RBFOX1: variants seen among roughly 807,000 people sequenced by gnomAD.
The protein encoded by RBFOX1 is RNA binding fox-1 homolog 1, also known as RNA binding protein fox-1 homolog 1.
A neutral mutation model predicts 57.7 loss-of-function variants in RBFOX1; 8 were observed. The observed-to-expected ratio is 0.14, with a 90% CI of 0.08 to 0.25. The LOEUF (loss-of-function observed/expected upper bound fraction) is 0.25. Ranked by LOEUF, RBFOX1 falls within the 10% of genes least tolerant of loss-of-function variation. The pLI, the probability that RBFOX1 is intolerant of heterozygous loss-of-function variation, is 1.00. For synonymous variants in RBFOX1, 326 were observed against 222.4 expected, an observed-to-expected ratio of 1.47 and a Z score of -4.15; for missense variants, 611 against 548.5, an observed-to-expected ratio of 1.11 and a Z score of -1.14.
intron 3 of RBFOX1, among the ~76,000 whole-genome samples, chr16:5,664,560 G>T (rs182582919): frequency 8.6e-4 from 131 of 152,040 alleles, no homozygotes; most frequent in Middle Eastern, 3.4e-3. Context: ...AAAAAAAGTG[G>T]ATTCCTGTTC....
chr16:7,710,179 G>C (rs1409814373), intron 15 of RBFOX1: 21 of 1,023,044 alleles, frequency 2.1e-5, no homozygotes, highest in Non-Finnish European at 1.8e-5. Flanking sequence ...ACAGAGCCAA[G>C]TTAAGTAAGA....
At chr16:6,475,304 A>G (rs867138630) in intron 2 of RBFOX1, among the ~76,000 whole-genome samples, 1 of 152,228 alleles carries the variant, frequency 6.6e-6, no homozygotes, top group Admixed American at 6.5e-5. Context: ...GATTCCTGCC[A>G]TCTCAAGGAT....
Position 6,196,455 on chromosome 16 carries a change from G to A in RBFOX1, c.-126-120540G>A, listed in dbSNP as rs185011204. On this transcript the variant is annotated intron_variant, in intron 1 of 15. Coordinates refer to ENST00000550418, the MANE Select transcript of RBFOX1 (RefSeq NM_018723.4). ...AGAAAACGTTTAACACATTGCATGG[G>A]ATACAGTAGACAATAAATCTGGACT... is the stretch of plus-strand genomic sequence containing the variant. Among the ~76,000 whole-genome samples, 730 of 152,210 alleles carry A rather than the reference G, an allele frequency of 4.8e-3. 4 individuals carry two copies. Among genetic ancestry groups the A allele is most frequent in the Middle Eastern group, 0.01 (3 of 294 alleles).
intron 3 of RBFOX1, among the ~76,000 whole-genome samples, chr16:6,742,518 C>A (rs1227844726): frequency 6.6e-6 from 1 of 152,028 alleles, no homozygotes; most frequent in Admixed American, 6.6e-5. Flanking sequence ...CACGAAAAAC[C>A]CCAGAAAGCT....
chr16:7,192,881 A>G (rs1454380602), intron 4 of RBFOX1, among the ~76,000 whole-genome samples: 3 of 152,240 alleles, frequency 2.0e-5, no homozygotes, highest in African/African-American at 7.2e-5. Flanking sequence ...TGCTTACAAC[A>G]TTGTTACTTC....
intron 4 of RBFOX1, among the ~76,000 whole-genome samples, chr16:7,210,327 G>T (rs943661357): frequency 6.6e-6 from 1 of 152,114 alleles, no homozygotes; most frequent in Non-Finnish European, 1.5e-5. Flanking sequence ...CAACTCTTGG[G>T]CAGGAGCTGA....
At chr16:5,782,618 G>T (rs1251650083) in intron 3 of RBFOX1, among the ~76,000 whole-genome samples, 1 of 152,190 alleles carries the variant, frequency 6.6e-6, no homozygotes, top group Non-Finnish European at 1.5e-5. Context: ...GTTCTCCAGG[G>T]AAACAGAACC....
chr16:5,569,193 C>T (rs1029334020), intron 2 of RBFOX1, among the ~76,000 whole-genome samples: 1 of 152,058 alleles, frequency 6.6e-6, no homozygotes, highest in Non-Finnish European at 1.5e-5. Flanking sequence ...GGACACCTCT[C>T]TCCTAAAGTC....
intron 2 of RBFOX1, among the ~76,000 whole-genome samples, chr16:6,618,489 C>T (rs975791018): frequency 6.6e-6 from 1 of 152,156 alleles, no homozygotes; most frequent in African/African-American, 2.4e-5. Flanking sequence ...TCCTGATGTT[C>T]ATTATACATT....
chr16:6,763,984 G>A (rs2076984940), intron 3 of RBFOX1, among the ~76,000 whole-genome samples: 2 of 152,148 alleles, frequency 1.3e-5, no homozygotes, highest in Admixed American at 1.3e-4. Context: ...TCTTTACAGT[G>A]GCCATCAGGG....
intron 3 of RBFOX1, among the ~76,000 whole-genome samples, chr16:5,803,562 C>T (rs572247805): frequency 1.3e-5 from 2 of 152,236 alleles, no homozygotes; most frequent in South Asian, 4.2e-4. Context: ...ATGTATGGTG[C>T]CTGTCATTCA....
At chr16:5,474,866 A>T (rs1251378574) in intron 2 of RBFOX1, among the ~76,000 whole-genome samples, 4 of 152,164 alleles carry the variant, frequency 2.6e-5, no homozygotes, top group African/African-American at 7.2e-5. Context: ...ATGCTATTTG[A>T]CTCACAAAGG....
At chr16:5,584,147 C>T (rs1190022497) in intron 2 of RBFOX1, among the ~76,000 whole-genome samples, 1 of 152,158 alleles carries the variant, frequency 6.6e-6, no homozygotes, top group East Asian at 1.9e-4. Flanking sequence ...AATAAAAAGC[C>T]CTTGTCAGAC....
At chr16:7,344,612 G>C (rs1458897996) in intron 4 of RBFOX1, among the ~76,000 whole-genome samples, 1 of 151,620 alleles carries the variant, frequency 6.6e-6, no homozygotes, top group East Asian at 1.9e-4. Flanking sequence ...TTCTACTCTT[G>C]CTACTATGAC....
intron 1 of RBFOX1, among the ~76,000 whole-genome samples, chr16:5,347,667 C>T (rs1424343561): frequency 6.7e-6 from 1 of 149,936 alleles, no homozygotes; most frequent in Non-Finnish European, 1.5e-5. Context: ...CATCCACCCA[C>T]CCTTTCACTC....
At chr16:6,006,230 G>C (rs2094926366) in intron 4 of RBFOX1, among the ~76,000 whole-genome samples, 1 of 152,166 alleles carries the variant, frequency 6.6e-6, no homozygotes, top group Admixed American at 6.5e-5. Flanking sequence ...GTTCAGGTGG[G>C]GTTGAATCTG....
At chr16:7,272,415 C>A (rs1356627743) in intron 4 of RBFOX1, among the ~76,000 whole-genome samples, 1 of 152,142 alleles carries the variant, frequency 6.6e-6, no homozygotes, top group African/African-American at 2.4e-5. Flanking sequence ...GAATTCCTGA[C>A]CTCAGTGATC....
chr16:5,326,817 A>T (rs1395913598), intron 1 of RBFOX1, among the ~76,000 whole-genome samples: 2 of 152,230 alleles, frequency 1.3e-5, no homozygotes, highest in African/African-American at 2.4e-5. Flanking sequence ...CTATCTGCTA[A>T]TTCCATTTTA....
intron 3 of RBFOX1, among the ~76,000 whole-genome samples, chr16:5,696,430 ATTTACATATT>A (rs1460929312): frequency 6.6e-6 from 1 of 152,174 alleles, no homozygotes; most frequent in Non-Finnish European, 1.5e-5. Flanking sequence ...CATTCAGGTT[ATTTACATATT>A]TTTACTTATT....
Sources: gnomAD v4.1 joint callset for allele counts (sites outside exome capture counted in the v4.1 genomes callset) on GRCh38, gnomAD v4.1.1 for gene constraint, MANE v1.5 for transcripts, NCBI Gene and HGNC (gene_info 2026-07-23, HGNC 2026-07-21) for gene names.